Variants in CDK19 observed in about 807,000 individuals in gnomAD.
CDK19 encodes cyclin-dependent kinase 19.
In CDK19, 20 loss-of-function variants were observed where a neutral mutation model predicts 68.3. The observed-to-expected ratio is 0.29, with a 90% confidence interval of 0.21 to 0.43. CDK19 has a LOEUF of 0.43. Among genes scored for constraint, CDK19 ranks in the 20% least tolerant of loss-of-function variants. The pLI, the probability that CDK19 is intolerant of heterozygous loss-of-function variation, is 1.00. For synonymous variants in CDK19, 221 were observed against 222.8 expected (o/e 0.99, Z 0.07); for missense variants, 339 against 623.5 (o/e 0.54, Z 4.86).
rs145640901 is a variant in CDK19, at chr6:110,804,626, G to T, written c.128+10383C>A. On this transcript the variant is annotated intron_variant, in intron 1 of 12. Transcript: ENST00000368911. Reference sequence around the variant, plus strand: ...CTCCCAAAGTGCTGGGATAACAGGCGTGAGCCACCACACCCCGCCAAGTTA... The same window carrying T: ...CTCCCAAAGTGCTGGGATAACAGGCTTGAGCCACCACACCCCGCCAAGTTA... Among the ~76,000 whole-genome samples the T allele has an allele frequency of 5.4e-4, 81 of 150,212 alleles. 1 individual carries two copies. In the East Asian group the frequency reaches 0.016, roughly 30 times the overall value.
chr6:110,649,734 T>C (rs1009753213), intron 4 of CDK19, among the ~76,000 whole-genome samples: 2 of 152,140 alleles, frequency 1.3e-5, no homozygotes, highest in Admixed American at 1.3e-4. Flanking sequence ...CCAATACACA[T>C]ATTAAAAAAT....
intron 1 of CDK19, among the ~76,000 whole-genome samples, chr6:110,751,071 C>T (rs1778442678): frequency 6.6e-6 from 1 of 152,054 alleles, no homozygotes; most frequent in Non-Finnish European, 1.5e-5. Flanking sequence ...TGGCCTCAAG[C>T]GATCCACCCA....
intron 2 of CDK19, among the ~76,000 whole-genome samples, chr6:110,720,238 T>A (rs1161974613): frequency 1.3e-5 from 2 of 152,148 alleles, no homozygotes; most frequent in African/African-American, 4.8e-5. Context: ...GAGAAGTTCT[T>A]GACAAGGCAG....
intron 4 of CDK19, among the ~76,000 whole-genome samples, chr6:110,658,071 G>GT (rs1781413068): frequency 6.6e-6 from 1 of 152,214 alleles, no homozygotes; most frequent in African/African-American, 2.4e-5. Flanking sequence ...ACACATGTAA[G>GT]GTGTGTGTCA....
chr6:110,799,223 G>GAATA (rs148864726), intron 1 of CDK19, among the ~76,000 whole-genome samples: 22,871 of 130,166 alleles, frequency 0.18, 1,950 homozygotes, highest in East Asian at 0.35. Context: ...ACCACACATA[G>GAATA]AATACAAAGA....
intron 1 of CDK19, among the ~76,000 whole-genome samples, chr6:110,756,606 G>C (rs1388338710): frequency 3.9e-5 from 6 of 151,914 alleles, no homozygotes; most frequent in Non-Finnish European, 8.8e-5. Context: ...GTACATTGTA[G>C]GCATTCAAGA....
chr6:110,744,255 C>T (rs914482388), intron 2 of CDK19, among the ~76,000 whole-genome samples: 4 of 151,956 alleles, frequency 2.6e-5, no homozygotes, highest in African/African-American at 9.7e-5. Flanking sequence ...GATCCACCCC[C>T]CCAACAGCCT....
chr6:110,613,282 T>A lies in CDK19; in HGVS notation c.*1253A>T, dbSNP rs1401611241. 1 of 152,620 alleles carries A rather than the reference T, an allele frequency of 6.6e-6. No individual in the cohort carries two copies. Among genetic ancestry groups the A allele is most frequent in the Admixed American group, 6.5e-5 (1 of 15,282 alleles). The allele number at this position is 152,620 out of a possible 1,614,324, so 9.5% of individuals were successfully genotyped here. ...TAGTTTTTAGGCACAATTATTAAGT[T>A]TTCTCCTAGGGGCAAAAGAAATCAT... On this transcript the variant is annotated 3_prime_UTR_variant, in exon 13 of 13. Coordinates refer to ENST00000368911, the MANE Select transcript of CDK19 (RefSeq NM_015076.5).
chr6:110,789,528 C>T (rs1354083974), intron 1 of CDK19, among the ~76,000 whole-genome samples: 2 of 152,146 alleles, frequency 1.3e-5, no homozygotes, highest in African/African-American at 4.8e-5. Context: ...TAATCCGCCT[C>T]GGCCTCCCAA....
At chr6:110,643,338 C>G (rs1780329410) in intron 4 of CDK19, 2 of 464,064 alleles carry the variant, frequency 4.3e-6, no homozygotes, top group Non-Finnish European at 7.7e-6. Context: ...AGGCAAACTG[C>G]CAAAGGAAAG....
intron 1 of CDK19, among the ~76,000 whole-genome samples, chr6:110,809,500 T>C (rs532654481): frequency 1.4e-4 from 21 of 152,080 alleles, no homozygotes; most frequent in Non-Finnish European, 2.4e-4. Flanking sequence ...GCCTTGGTGA[T>C]AGAGTGAGAC....
At chr6:110,769,456 T>C (rs547893577) in intron 1 of CDK19, among the ~76,000 whole-genome samples, 3 of 151,102 alleles carry the variant, frequency 2.0e-5, no homozygotes, top group Admixed American at 6.6e-5. Context: ...TCCCAGCTAC[T>C]AGGGAGGCTG....
chr6:110,769,263 T>C (rs373383755), intron 1 of CDK19, among the ~76,000 whole-genome samples: 1 of 148,952 alleles, frequency 6.7e-6, no homozygotes, highest in African/African-American at 2.5e-5. Flanking sequence ...TAAAGCAAGA[T>C]GTTAATAATA....
At position 110,763,550 on chromosome 6, in the gene CDK19, G is replaced by C. The variant is rs538486089; in HGVS notation, c.129-17349C>G. 4.0e-5 allele frequency among the ~76,000 whole-genome samples: 6 copies of C among 151,840 alleles called. No individual in the cohort carries two copies. In the South Asian group the frequency reaches 8.3e-4, roughly 21 times the overall value. ...CCTGCCTCAGCCTCCCGAGTAGCTGGGATTACAGGCATAAGCCACCACACC... is the reference window on the plus strand; with the variant it reads ...CCTGCCTCAGCCTCCCGAGTAGCTGCGATTACAGGCATAAGCCACCACACC... On this transcript the variant is annotated intron_variant, in intron 1 of 12. Coordinates refer to ENST00000368911, the MANE Select transcript of CDK19 (RefSeq NM_015076.5).
At chr6:110,747,926 G>A (rs1778193882) in intron 1 of CDK19, among the ~76,000 whole-genome samples, 1 of 152,194 alleles carries the variant, frequency 6.6e-6, no homozygotes, top group South Asian at 2.1e-4. Context: ...TGGGTACAGA[G>A]TGAGAGCACA....
At chr6:110,735,188 C>T (rs1245530427) in intron 2 of CDK19, among the ~76,000 whole-genome samples, 1 of 151,650 alleles carries the variant, frequency 6.6e-6, no homozygotes, top group Non-Finnish European at 1.5e-5. Flanking sequence ...CTCAAGCGAT[C>T]CTCTTGCCTC....
intron 2 of CDK19, among the ~76,000 whole-genome samples, chr6:110,690,958 A>G (rs1222738490): frequency 6.6e-6 from 1 of 152,228 alleles, no homozygotes; most frequent in Admixed American, 6.5e-5. Context: ...TTCTGGTAAT[A>G]TGATAAAACA....
chr6:110,713,618 T>C (rs1261851675), intron 2 of CDK19, among the ~76,000 whole-genome samples: 2 of 152,152 alleles, frequency 1.3e-5, no homozygotes, highest in Non-Finnish European at 2.9e-5. Flanking sequence ...CTGATTTCTA[T>C]ATATTTTCAC....
intron 2 of CDK19, among the ~76,000 whole-genome samples, chr6:110,721,602 T>C (rs1369903377): frequency 6.6e-6 from 1 of 152,228 alleles, no homozygotes; most frequent in Non-Finnish European, 1.5e-5. Context: ...GTTGGCCTCT[T>C]GCTTCCATTA....
Sources: gnomAD v4.1 joint callset for allele counts (sites outside exome capture counted in the v4.1 genomes callset) on GRCh38, gnomAD v4.1.1 for gene constraint, MANE v1.5 for transcripts, NCBI Gene and HGNC (gene_info 2026-07-23, HGNC 2026-07-21) for gene names.